UHRF2: variants seen among roughly 807,000 people sequenced by gnomAD.
The protein encoded by UHRF2 is E3 ubiquitin-protein ligase UHRF2.
A neutral mutation model predicts 96.8 loss-of-function variants in UHRF2; 23 were observed. That is an observed-to-expected ratio of 0.24 (90% CI 0.17 to 0.34). The LOEUF (loss-of-function observed/expected upper bound fraction) is 0.34. UHRF2 is among the 10% of genes least tolerant of loss of function. UHRF2 has a pLI of 1.00. For synonymous variants in UHRF2, 385 were observed against 332.6 expected, an observed-to-expected ratio of 1.16 and a Z score of -1.72; for missense variants, 685 against 981.5, an observed-to-expected ratio of 0.70 and a Z score of 4.04.
intron 4 of UHRF2, among the ~76,000 whole-genome samples, chr9:6,472,661 A>G (rs527315536): frequency 2.0e-5 from 3 of 152,376 alleles, no homozygotes; most frequent in East Asian, 1.9e-4. Context: ...AGGAGAAAGT[A>G]TAGTATGTAC....
chr9:6,504,614 C>T lies in UHRF2; in HGVS notation c.2185C>T (p.Gln729Ter). 1 of 1,613,294 alleles carries T rather than the reference C, an allele frequency of 6.2e-7. No homozygotes were observed. The highest frequency in any genetic ancestry group is 8.5e-7 in the Non-Finnish European group (1 of 1,179,572). Reference protein sequence around the residue: ...EGPNFLKKLEQSFMCVCCQEL... With the variant: ...EGPNFLKKLE ...CTAGAATTTTCTGAAAAAATTGGAA[C>T]AATCTTTTATGTGCGTTTGCTGTCA... Residue 729 changes from glutamine to a stop codon, truncating the protein, a stop_gained, in exon 15 of 16, where the codon CAA (glutamine) becomes TAA (stop). Transcript: ENST00000276893. LOFTEE classifies it high-confidence loss of function.
chr9:6,505,395 A>T (rs1405354081), intron 15 of UHRF2, among the ~76,000 whole-genome samples: 3 of 151,924 alleles, frequency 2.0e-5, no homozygotes, highest in Non-Finnish European at 2.9e-5. Flanking sequence ...TCCCCATTTC[A>T]AGCAAGTCTC....
chr9:6,460,981 C>T (rs1822501845), intron 4 of UHRF2, among the ~76,000 whole-genome samples, 190 bp downstream of exon 4: 1 of 152,092 alleles, frequency 6.6e-6, no homozygotes, highest in Admixed American at 6.6e-5. Flanking sequence ...AGATCTTCAA[C>T]TTTAAGGTTG....
At chr9:6,461,992 G>GT (rs1331310739) in intron 4 of UHRF2, among the ~76,000 whole-genome samples, 1 of 148,152 alleles carries the variant, frequency 6.7e-6, no homozygotes, top group African/African-American at 2.5e-5. Flanking sequence ...GACAATTTTT[G>GT]TTTTTAAAAA....
chr9:6,423,546 C>T (rs749355841), intron 2 of UHRF2, among the ~76,000 whole-genome samples: 5 of 151,504 alleles, frequency 3.3e-5, no homozygotes, highest in African/African-American at 4.9e-5. Flanking sequence ...TAAAATGTTT[C>T]AATATAATTC....
At chr9:6,503,562 A>T (rs1271213488) in intron 14 of UHRF2, among the ~76,000 whole-genome samples, 1 of 152,156 alleles carries the variant, frequency 6.6e-6, no homozygotes, top group Non-Finnish European at 1.5e-5. Context: ...ATGGGATTTT[A>T]GGATTGAGGT....
intron 4 of UHRF2, among the ~76,000 whole-genome samples, chr9:6,464,973 TTACATG>T (rs763972945): frequency 2.0e-5 from 3 of 152,190 alleles, no homozygotes; most frequent in Non-Finnish European, 2.9e-5. Flanking sequence ...TAATTTTAAT[TTACATG>T]TAGATTGTTT....
intron 9 of UHRF2, chr9:6,492,312 T>TTACGAA (rs1398691717): frequency 1.6e-6 from 2 of 1,254,532 alleles, no homozygotes; most frequent in African/African-American, 3.1e-5. Flanking sequence ...GTTGACAGAG[T>TTACGAA]TATGAATATG....
Position 6,430,067 on chromosome 9 carries a change from A to T in UHRF2, c.385-3847A>T, listed in dbSNP as rs191052246. 8.9e-4 allele frequency among the ~76,000 whole-genome samples: 136 copies of T among 152,336 alleles called. 1 individual carries two copies. The highest frequency in any genetic ancestry group is 1.5e-3 in the South Asian group (7 of 4,822). On this transcript the variant is annotated intron_variant, in intron 2 of 15. Coordinates refer to ENST00000276893, the MANE Select transcript of UHRF2 (RefSeq NM_152896.3). ...TTTACTCTTTTTGCCCTGAAGTGCAATGGCACAATATTGGCCCATTACAAC... is the reference window on the plus strand; with the variant it reads ...TTTACTCTTTTTGCCCTGAAGTGCATTGGCACAATATTGGCCCATTACAAC...
chr9:6,489,050 C>T (rs1476360837), intron 9 of UHRF2, among the ~76,000 whole-genome samples: 2 of 151,068 alleles, frequency 1.3e-5, no homozygotes, highest in African/African-American at 2.4e-5. Flanking sequence ...CCTCAAGTGA[C>T]CCGCCTACCT....
At chr9:6,445,981 C>CTTTTT (rs57147850) in intron 3 of UHRF2, among the ~76,000 whole-genome samples, 14 of 78,898 alleles carry the variant, frequency 1.8e-4, no homozygotes, top group Non-Finnish European at 2.8e-4. Context: ...CCCCGCCACC[C>CTTTTT]TTTTTTTTTT....
chr9:6,449,157 T>C (rs1821700525), intron 3 of UHRF2, among the ~76,000 whole-genome samples: 1 of 152,220 alleles, frequency 6.6e-6, no homozygotes, highest in South Asian at 2.1e-4. Context: ...GAAAGACCTT[T>C]ACTGACCAGC....
At chr9:6,418,040 T>A (rs1819713945) in intron 1 of UHRF2, among the ~76,000 whole-genome samples, 1 of 152,338 alleles carries the variant, frequency 6.6e-6, no homozygotes, top group East Asian at 1.9e-4. Context: ...TTAGTTTTTT[T>A]TAATTATCTT....
intron 14 of UHRF2, among the ~76,000 whole-genome samples, chr9:6,500,919 C>A (rs925503996): frequency 6.6e-6 from 1 of 152,138 alleles, no homozygotes; most frequent in African/African-American, 2.4e-5. Flanking sequence ...TGGATTTTGA[C>A]TTCTCTATGC....
intron 6 of UHRF2, 137 bp downstream of exon 6, chr9:6,477,945 T>C: frequency 1.5e-6 from 1 of 687,704 alleles, no homozygotes; most frequent in South Asian, 2.4e-5. Flanking sequence ...TTACTTAGCA[T>C]TCATAGCTCT....
intron 9 of UHRF2, chr9:6,492,542 C>CT (rs994584765): frequency 5.6e-6 from 1 of 177,208 alleles, no homozygotes; most frequent in African/African-American, 2.4e-5. Context: ...ACCAATAACA[C>CT]TTTAAGACCA....
intron 3 of UHRF2, among the ~76,000 whole-genome samples, chr9:6,437,389 C>T (rs1820914039): frequency 1.3e-5 from 2 of 152,106 alleles, no homozygotes; most frequent in South Asian, 4.1e-4. Flanking sequence ...CCTGCCACCA[C>T]GCCTGGCTAA....
intron 3 of UHRF2, among the ~76,000 whole-genome samples, chr9:6,446,921 C>G (rs1227494011): frequency 6.6e-6 from 1 of 151,900 alleles, no homozygotes; most frequent in Non-Finnish European, 1.5e-5. Context: ...CAGAGTCTTG[C>G]TCTGTCACCC....
At chr9:6,466,591 G>C (rs1822876019) in intron 4 of UHRF2, among the ~76,000 whole-genome samples, 1 of 145,974 alleles carries the variant, frequency 6.9e-6, no homozygotes, top group Admixed American at 6.8e-5. Context: ...TGCATTTTAG[G>C]TTCAGTGTCA....
Sources: gnomAD v4.1 joint callset for allele counts (sites outside exome capture counted in the v4.1 genomes callset) on GRCh38, gnomAD v4.1.1 for gene constraint, MANE v1.5 for transcripts, NCBI Gene and HGNC (gene_info 2026-07-23, HGNC 2026-07-21) for gene names.